The following ALPK1 variants were observed in gnomAD, a reference collection of about 807,000 sequenced individuals.
The protein encoded by ALPK1 is alpha-protein kinase 1.
ALPK1 carries 110 observed loss-of-function variants against 120.6 expected under a neutral mutation model. That is an observed-to-expected ratio of 0.91 (90% confidence interval 0.78 to 1.07). ALPK1 has a LOEUF of 1.07. Ranked by LOEUF, ALPK1 falls within the 50% of genes least tolerant of loss-of-function variation. The pLI is 0.00. For missense variants in ALPK1, 1,498 were observed against 1,483.9 expected (o/e 1.01, Z -0.16); for synonymous variants, 582 against 560.3 (o/e 1.04, Z -0.55).
intron 2 of ALPK1, among the ~76,000 whole-genome samples, chr4:112,371,475 A>G (rs1731400996): frequency 6.6e-6 from 1 of 152,096 alleles, no homozygotes; most frequent in African/African-American, 2.4e-5. Context: ...TTCCCTCTCT[A>G]GTTCCTTCTA....
chr4:112,395,024 CTG>C (rs1322855510), intron 4 of ALPK1, among the ~76,000 whole-genome samples: 36 of 152,180 alleles, frequency 2.4e-4, no homozygotes, highest in Non-Finnish European at 4.4e-4. Context: ...ATATATCTGA[CTG>C]TGTTTATATG....
chr4:112,319,314 G>C (rs1386612079), intron 2 of ALPK1, among the ~76,000 whole-genome samples: 1 of 152,190 alleles, frequency 6.6e-6, no homozygotes, highest in East Asian at 1.9e-4. Flanking sequence ...TACATGTTCA[G>C]AACCAGCATT....
At chr4:112,343,751 C>A (rs1028768151) in intron 2 of ALPK1, among the ~76,000 whole-genome samples, 1 of 148,570 alleles carries the variant, frequency 6.7e-6, no homozygotes, top group Non-Finnish European at 1.5e-5. Flanking sequence ...CCTTTCCCCC[C>A]CTTCTCCCCC....
intron 4 of ALPK1, 28 bp from the exon 5 acceptor site, chr4:112,411,799 C>T (rs761154196): frequency 7.6e-6 from 12 of 1,587,308 alleles, no homozygotes; most frequent in Non-Finnish European, 1.0e-5. Context: ...TTCCGCCTGG[C>T]TCACGATGTT....
intron 2 of ALPK1, among the ~76,000 whole-genome samples, chr4:112,363,983 G>C (rs1282798784): frequency 6.6e-6 from 1 of 152,124 alleles, no homozygotes; most frequent in Non-Finnish European, 1.5e-5. Flanking sequence ...GTAAAATCAA[G>C]ATAGAAATTT....
chr4:112,426,617 C>A lies in ALPK1; in HGVS notation c.699+74C>A, dbSNP rs1734248703. ...ATGATTATCTCTTCATGACAGAAGT[C>A]CATTTCTCATATATCAATTTCATCT... is the stretch of plus-strand genomic sequence containing the variant. On this transcript the variant is annotated intron_variant, in intron 8 of 15. Transcript: ENST00000650871. The A allele has an allele frequency of 4.1e-6, 5 of 1,221,624 alleles. No homozygotes were observed. In the South Asian group the frequency reaches 7.6e-5, roughly 18 times the overall value. The allele number at this position is 1,221,624 out of a possible 1,614,324, so 75.7% of individuals were successfully genotyped here. A position where few individuals can be genotyped will look rare whatever the true frequency, so the allele number is the denominator to read the frequency against.
Position 112,358,847 on chromosome 4 carries a change from G to A in ALPK1, c.-100-18831G>A, listed in dbSNP as rs868701448. The stretch of plus-strand genomic sequence containing the variant: ...TTGCCACCTTCACCCAGGCCCTGCA[G>A]GACCACAAGGGTTCCGATGACTTTG... On this transcript the variant is annotated intron_variant, in intron 2 of 15. Coordinates refer to ENST00000650871, the MANE Select transcript of ALPK1 (RefSeq NM_025144.4). 7.2e-5 allele frequency: 57 copies of A among 791,712 alleles called. 1 individual carries two copies. The highest frequency in any genetic ancestry group is 6.8e-4 in the Middle Eastern group (3 of 4,440). The allele number at this position is 791,712 out of a possible 1,614,324, so 49.0% of individuals were successfully genotyped here. A position where few individuals can be genotyped will look rare whatever the true frequency, so the allele number is the denominator to read the frequency against.
chr4:112,394,780 C>T (rs1263170238), intron 4 of ALPK1, among the ~76,000 whole-genome samples: 2 of 152,200 alleles, frequency 1.3e-5, no homozygotes, highest in Non-Finnish European at 2.9e-5. Flanking sequence ...GGCCTGAAGA[C>T]TGAGCCAAGT....
chr4:112,432,391 G>C lies in ALPK1; in HGVS notation c.2844G>C (p.Trp948Cys). The C allele has an allele frequency of 6.2e-7, 1 of 1,614,158 alleles. No individual in the cohort carries two copies. The highest frequency in any genetic ancestry group is 8.5e-7 in the Non-Finnish European group (1 of 1,180,032). ...GTTCTTCTGAGGGGGACAGCCCTTG[G>C]TCCTATCTGAATTCCAGTGGGAGTT... ...SSGSSEGDSPWSYLNSSGSSW... is the reference protein window; with the variant it reads ...SSGSSEGDSPCSYLNSSGSSW... The change falls in exon 11 of 16, where the codon TGG becomes TGC. Residue 948 changes from tryptophan (W) to cysteine (C), a missense_variant. Transcript: ENST00000650871.
chr4:112,435,564 A>G (rs1245235222), intron 12 of ALPK1, among the ~76,000 whole-genome samples: 3 of 152,208 alleles, frequency 2.0e-5, no homozygotes, highest in Non-Finnish European at 2.9e-5. Context: ...TACTGTACTG[A>G]TAAGAAAAAT....
Position 112,377,864 on chromosome 4 carries a change from G to A in ALPK1, c.87G>A (p.Ser29=), listed in dbSNP as rs202167520. The change falls in exon 3 of 16, where the codon TCG becomes TCA. Residue 29 remains serine (S), a synonymous_variant. Transcript: ENST00000650871. Reference sequence around the variant, plus strand: ...TCTTGTTGGAAGCGCCAGATGTGTCGGAAGAGGACAAGAGCGAGGACCAGC... The same window carrying A: ...TCTTGTTGGAAGCGCCAGATGTGTCAGAAGAGGACAAGAGCGAGGACCAGC... The part of the protein sequence containing the change: ...DQLLLEAPDV[S]EEDKSEDQRC... The A allele has an allele frequency of 7.0e-5, 113 of 1,613,430 alleles. No homozygotes were observed. Among genetic ancestry groups the A allele is most frequent in the Middle Eastern group, 1.7e-4 (1 of 6,038 alleles).
chr4:112,372,831 G>C (rs1731476660), intron 2 of ALPK1, among the ~76,000 whole-genome samples: 1 of 152,078 alleles, frequency 6.6e-6, no homozygotes, highest in Non-Finnish European at 1.5e-5. Context: ...GCTTCTATGA[G>C]TTCAACAAAA....
chr4:112,433,765 T>C (rs11930555), intron 11 of ALPK1, among the ~76,000 whole-genome samples: 103,910 of 152,066 alleles, frequency 0.68, 35,679 homozygotes, highest in African/African-American at 0.75. Context: ...CCAGAAGAGA[T>C]AAACTACATG....
intron 2 of ALPK1, among the ~76,000 whole-genome samples, chr4:112,370,757 G>C (rs1172984176): frequency 6.6e-6 from 1 of 152,184 alleles, no homozygotes; most frequent in African/African-American, 2.4e-5. Flanking sequence ...ACAGAGAAAA[G>C]GGAAAATGCT....
chr4:112,425,544 AGAGAC>A, intron 6 of ALPK1, 116 bp from the exon 7 acceptor site: 2 of 785,492 alleles, frequency 2.5e-6, no homozygotes, highest in South Asian at 3.3e-5. Flanking sequence ...TTCTAAATGT[AGAGAC>A]GAGATTGTTT....
rs1314935268 is a variant in ALPK1 at position 112,426,520 on chromosome 4, G to C, written c.676G>C (p.Ala226Pro). ...LIWASIVGYL[A>P]LPQPDKKGLS... Reference sequence around the variant, plus strand: ...ATGGGCCTCCATTGTAGGATATTTGGCACTTCCTCAGCCGGATAAAAAGGT... The same window carrying C: ...ATGGGCCTCCATTGTAGGATATTTGCCACTTCCTCAGCCGGATAAAAAGGT... The change falls in exon 8 of 16, where the codon GCA becomes CCA. Residue 226 changes from alanine (A) to proline (P), a missense_variant. By Grantham distance (27) the Ala-to-Pro change is conservative. Coordinates refer to ENST00000650871, the MANE Select transcript of ALPK1 (RefSeq NM_025144.4). 1.9e-6 allele frequency: 3 copies of C among 1,582,192 alleles called. No homozygotes were observed. The highest frequency in any genetic ancestry group is 2.8e-5 in the African/African-American group (2 of 72,588).
intron 5 of ALPK1, 76 bp downstream of exon 5, chr4:112,412,101 C>A: frequency 6.4e-7 from 1 of 1,565,962 alleles, no homozygotes; most frequent in Non-Finnish European, 8.7e-7. Flanking sequence ...TACTTGACCT[C>A]TGTGGGACAC....
At chr4:112,426,849 C>A in intron 8 of ALPK1, among the ~76,000 whole-genome samples, 1 of 152,262 alleles carries the variant, frequency 6.6e-6, no homozygotes, top group Middle Eastern at 3.4e-3. Flanking sequence ...TACTTGATTG[C>A]ATAGCAAAGT....
At chr4:112,432,921 T>C (rs1413475622) in intron 11 of ALPK1, among the ~76,000 whole-genome samples, 1 of 152,168 alleles carries the variant, frequency 6.6e-6, no homozygotes, top group Non-Finnish European at 1.5e-5. Flanking sequence ...TCAGCATCTA[T>C]CTTCTTCATT....
Sources: gnomAD v4.1 joint callset for allele counts (sites outside exome capture counted in the v4.1 genomes callset) on GRCh38, gnomAD v4.1.1 for gene constraint, MANE v1.5 for transcripts, NCBI Gene and HGNC (gene_info 2026-07-23, HGNC 2026-07-21) for gene names.